Variants in STXBP4 observed in about 807,000 individuals in gnomAD.
STXBP4 encodes the protein syntaxin binding protein 4, also known as syntaxin-binding protein 4.
A neutral mutation model predicts 76.1 loss-of-function variants in STXBP4; 55 were observed. That is an observed-to-expected ratio of 0.72 (90% CI 0.58 to 0.91). The LOEUF is 0.91. STXBP4 is among the 40% of genes least tolerant of loss of function. STXBP4 has a pLI of 0.00. For synonymous variants in STXBP4, 201 were observed against 220.2 expected, an observed-to-expected ratio of 0.91 and a Z score of 0.77; for missense variants, 618 against 636.9, an observed-to-expected ratio of 0.97 and a Z score of 0.32.
chr17:55,025,073 G>C (rs1360235604), intron 8 of STXBP4, among the ~76,000 whole-genome samples: 1 of 150,512 alleles, frequency 6.6e-6, no homozygotes, highest in East Asian at 2.0e-4. Flanking sequence ...CCCAGGAGGC[G>C]GAGCTTGCAG....
At chr17:55,151,765 T>G (rs1479269478) in intron 17 of STXBP4, among the ~76,000 whole-genome samples, 1 of 152,236 alleles carries the variant, frequency 6.6e-6, no homozygotes, top group Non-Finnish European at 1.5e-5. Context: ...TAAAACAAGA[T>G]TTGCTTAGCT....
intron 16 of STXBP4, among the ~76,000 whole-genome samples, chr17:55,095,434 G>A (rs1466389240): frequency 6.6e-6 from 1 of 152,118 alleles, no homozygotes; most frequent in Non-Finnish European, 1.5e-5. Flanking sequence ...GCCTTATTTT[G>A]GGTTAGTGGA....
At chr17:55,034,083 G>T in intron 9 of STXBP4, 85 bp from the exon 10 acceptor site, 1 of 920,014 alleles carries the variant, frequency 1.1e-6, no homozygotes, top group South Asian at 2.0e-5. Flanking sequence ...GGTTAAATTT[G>T]AAACCTTAGC....
At chr17:55,084,042 T>C (rs2079292023) in intron 16 of STXBP4, among the ~76,000 whole-genome samples, 1 of 152,200 alleles carries the variant, frequency 6.6e-6, no homozygotes, top group African/African-American at 2.4e-5. Context: ...TCTAGATCCC[T>C]GAGGAATCGC....
chr17:55,021,826 T>C (rs1317288700), intron 8 of STXBP4, among the ~76,000 whole-genome samples: 1 of 152,214 alleles, frequency 6.6e-6, no homozygotes, highest in African/African-American at 2.4e-5. Context: ...TTCTTAAAAA[T>C]TTATCAAACG....
intron 7 of STXBP4, among the ~76,000 whole-genome samples, chr17:55,006,694 A>G (rs1397654789): frequency 7.9e-5 from 12 of 152,206 alleles, no homozygotes; most frequent in Non-Finnish European, 1.8e-4. Flanking sequence ...CATTTATGCT[A>G]CTTGAAATGT....
At chr17:55,159,744 A>G in intron 17 of STXBP4, 53 bp from the exon 18 acceptor site, 3 of 1,225,540 alleles carry the variant, frequency 2.4e-6, no homozygotes, top group Non-Finnish European at 3.6e-6. Flanking sequence ...ACTTGCATGG[A>G]TGAGTAGAAG....
intron 7 of STXBP4, among the ~76,000 whole-genome samples, chr17:55,005,044 G>GA (rs2090578291): frequency 1.3e-5 from 2 of 152,062 alleles, no homozygotes; most frequent in African/African-American, 4.8e-5. Context: ...AAGTTGTCTG[G>GA]AAAAAACAAG....
chr17:55,142,709 A>G (rs1308408732), intron 17 of STXBP4, among the ~76,000 whole-genome samples: 2 of 152,226 alleles, frequency 1.3e-5, no homozygotes, highest in African/African-American at 4.8e-5. Context: ...GAAAAAATTT[A>G]AGGAAAAACT....
chr17:54,993,553 T>G (rs935878773), intron 4 of STXBP4, among the ~76,000 whole-genome samples: 2 of 152,254 alleles, frequency 1.3e-5, no homozygotes, highest in Non-Finnish European at 2.9e-5. Flanking sequence ...GAGAGCTCTA[T>G]GCATATGCAT....
chr17:55,101,791 A>T (rs1260882568), intron 16 of STXBP4, among the ~76,000 whole-genome samples: 2 of 152,170 alleles, frequency 1.3e-5, no homozygotes, highest in African/African-American at 4.8e-5. Context: ...AATTCTGATT[A>T]CTTCATAGTT....
the STXBP4 span, among the ~76,000 whole-genome samples, chr17:55,191,508 A>G: frequency 1.3e-5 from 2 of 152,178 alleles, no homozygotes; most frequent in Admixed American, 6.5e-5. Context: ...TCCCTCAACA[A>G]CTTCAACCTA....
intron 1 of STXBP4, among the ~76,000 whole-genome samples, chr17:54,985,157 G>A (rs73323208): frequency 0.038 from 5,774 of 152,202 alleles, 393 homozygotes; most frequent in African/African-American, 0.13. Flanking sequence ...GAGACAGTTT[G>A]TTACATTTGA....
At chr17:55,187,177 G>C in the STXBP4 span, among the ~76,000 whole-genome samples, 1 of 152,132 alleles carries the variant, frequency 6.6e-6, no homozygotes, top group Non-Finnish European at 1.5e-5. Flanking sequence ...CCTCCAACTG[G>C]TTTTGCAGAG....
intron 9 of STXBP4, 60 bp from the exon 10 acceptor site, chr17:55,034,108 T>C: frequency 1.6e-6 from 2 of 1,262,388 alleles, no homozygotes; most frequent in East Asian, 2.3e-5. Flanking sequence ...TCATATAGAA[T>C]AAAGTAAGAT....
At chr17:55,076,283 T>C (rs1320786956) in intron 13 of STXBP4, among the ~76,000 whole-genome samples, 1 of 152,260 alleles carries the variant, frequency 6.6e-6, no homozygotes, top group East Asian at 1.9e-4. Flanking sequence ...ATAGACTCCA[T>C]TTTTACCATT....
intron 16 of STXBP4, among the ~76,000 whole-genome samples, chr17:55,087,110 G>A (rs1284317994): frequency 6.6e-6 from 1 of 151,964 alleles, no homozygotes; most frequent in Admixed American, 6.6e-5. Flanking sequence ...AAATCAGATT[G>A]ATTGGTTTTT....
intron 17 of STXBP4, among the ~76,000 whole-genome samples, chr17:55,142,390 C>A (rs1468876166): frequency 6.6e-6 from 1 of 152,174 alleles, no homozygotes; most frequent in Non-Finnish European, 1.5e-5. Context: ...CATGTCCTTG[C>A]TATCCCCTTT....
At chr17:55,194,814 G>T in the STXBP4 span, among the ~76,000 whole-genome samples, 1 of 152,184 alleles carries the variant, frequency 6.6e-6, no homozygotes, top group Non-Finnish European at 1.5e-5. Context: ...GTAGAGACAG[G>T]TAGAGCAGTG....
Sources: allele counts gnomAD v4.1 joint callset (sites outside exome capture counted in the v4.1 genomes callset), GRCh38; gene constraint gnomAD v4.1.1; transcripts MANE v1.5; gene names NCBI Gene and HGNC (gene_info 2026-07-23, HGNC 2026-07-21).